Variants in SGCD observed in about 807,000 individuals in gnomAD.
SGCD encodes sarcoglycan delta.
Under a neutral mutation model 36.6 loss-of-function variants are expected in SGCD, and 18 were observed. That is an observed-to-expected ratio of 0.49 (90% confidence interval 0.34 to 0.73). The LOEUF is 0.73. Among genes scored for constraint, SGCD ranks in the 30% least tolerant of loss-of-function variants. The probability of loss-of-function intolerance (pLI) is 0.01; values close to 1 mark genes in which losing one functional copy is unlikely to be tolerated. For synonymous variants in SGCD, 133 were observed against 130.6 expected, an observed-to-expected ratio of 1.02 and a Z score of -0.12; for missense variants, 387 against 346.7, an observed-to-expected ratio of 1.12 and a Z score of -0.92.
intron 1 of SGCD, among the ~76,000 whole-genome samples, chr5:155,926,374 G>T (rs1029917452): frequency 6.6e-6 from 1 of 152,032 alleles, no homozygotes; most frequent in African/African-American, 2.4e-5. Context: ...TTCCAAATAT[G>T]GTGCTCTTGA....
intron 1 of SGCD, among the ~76,000 whole-genome samples, chr5:156,085,303 G>T (rs1055315771): frequency 6.6e-6 from 1 of 152,100 alleles, no homozygotes; most frequent in Non-Finnish European, 1.5e-5. Context: ...GTGGCCTGGT[G>T]GGAGGTGTTT....
At chr5:156,494,315 C>CTT (rs112840342) in intron 3 of SGCD, among the ~76,000 whole-genome samples, 2 of 146,782 alleles carry the variant, frequency 1.4e-5, no homozygotes, top group Non-Finnish European at 3.0e-5. Context: ...TCAAAAAACT[C>CTT]TTTTTTTTAA....
chr5:155,970,414 G>C (rs140390295), intron 1 of SGCD, among the ~76,000 whole-genome samples: 1 of 152,086 alleles, frequency 6.6e-6, no homozygotes, highest in Non-Finnish European at 1.5e-5. Flanking sequence ...ATGAATATCC[G>C]ATGTGAATTA....
intron 3 of SGCD, among the ~76,000 whole-genome samples, chr5:156,224,747 C>T (rs771235325): frequency 6.6e-6 from 1 of 152,218 alleles, no homozygotes; most frequent in East Asian, 1.9e-4. Flanking sequence ...TCCAAAATCC[C>T]GAGCAAGTCA....
intron 3 of SGCD, among the ~76,000 whole-genome samples, chr5:156,349,997 C>T (rs1337475524): frequency 6.6e-6 from 1 of 151,624 alleles, no homozygotes; most frequent in African/African-American, 2.4e-5. Flanking sequence ...AAATCTGATA[C>T]CACATGTTCT....
chr5:155,848,678 G>A, the SGCD span, among the ~76,000 whole-genome samples: 1 of 152,030 alleles, frequency 6.6e-6, no homozygotes, highest in African/African-American at 2.4e-5. Flanking sequence ...TAATATAAAA[G>A]CTATTGTTAT....
intron 3 of SGCD, among the ~76,000 whole-genome samples, chr5:156,436,558 A>T (rs901251907): frequency 6.6e-6 from 1 of 152,060 alleles, no homozygotes; most frequent in Non-Finnish European, 1.5e-5. Flanking sequence ...CATCCAATCC[A>T]CTCCTGTGAT....
At chr5:156,669,115 A>G (rs1753186995) in intron 7 of SGCD, among the ~76,000 whole-genome samples, 1 of 152,152 alleles carries the variant, frequency 6.6e-6, no homozygotes. Flanking sequence ...ACATCCTGCA[A>G]TACGGCCGAA....
intron 1 of SGCD, among the ~76,000 whole-genome samples, chr5:155,973,751 A>T (rs1345181993): frequency 6.6e-6 from 1 of 152,196 alleles, no homozygotes; most frequent in Non-Finnish European, 1.5e-5. Flanking sequence ...ATTAAATGAG[A>T]AGAGTTATTT....
intron 4 of SGCD, among the ~76,000 whole-genome samples, chr5:156,526,530 G>A (rs6897602): frequency 0.041 from 6,293 of 152,192 alleles, 424 homozygotes; most frequent in African/African-American, 0.14. Flanking sequence ...ATGAAGTATT[G>A]CCTGAGTAAA....
intron 3 of SGCD, among the ~76,000 whole-genome samples, chr5:156,381,563 C>T (rs1359124332): frequency 6.8e-6 from 1 of 146,840 alleles, no homozygotes; most frequent in African/African-American, 2.6e-5. Flanking sequence ...GGTAAATGTC[C>T]TCATGTAAAC....
chr5:156,622,087 G>A (rs948504589), intron 6 of SGCD, among the ~76,000 whole-genome samples: 4 of 152,000 alleles, frequency 2.6e-5, no homozygotes, highest in African/African-American at 9.7e-5. Flanking sequence ...ATTTACCCAG[G>A]TAGAATGTAC....
At chr5:156,277,754 C>T (rs967645514) in intron 3 of SGCD, among the ~76,000 whole-genome samples, 2 of 152,142 alleles carry the variant, frequency 1.3e-5, no homozygotes, top group African/African-American at 4.8e-5. Context: ...GGCAAACTAG[C>T]CTTTCCCGTT....
intron 1 of SGCD, among the ~76,000 whole-genome samples, chr5:155,960,129 T>C (rs1267182440): frequency 1.3e-5 from 2 of 152,060 alleles, no homozygotes; most frequent in Non-Finnish European, 2.9e-5. Context: ...CCCTCCTTTT[T>C]CTTCTCCCTC....
intron 3 of SGCD, among the ~76,000 whole-genome samples, chr5:156,231,212 T>C (rs918119356): frequency 1.3e-5 from 2 of 152,114 alleles, no homozygotes; most frequent in Non-Finnish European, 2.9e-5. Context: ...ATATGCCTTG[T>C]TGAAAGGTAG....
the SGCD span, among the ~76,000 whole-genome samples, chr5:155,853,043 C>T: frequency 6.7e-6 from 1 of 149,394 alleles, no homozygotes; most frequent in Non-Finnish European, 1.5e-5. Flanking sequence ...AATATCCAAG[C>T]TCTAAGACTG....
At position 156,346,385 on chromosome 5, in the gene SGCD, G is replaced by A. The variant is rs567632163; in HGVS notation, c.192+1708G>A. ...ACGATCATAGCTCACTGCAGCCATG[G>A]ACTCCTGGGCTCAAGCAATCCTCCC... On this transcript the variant is annotated intron_variant, in intron 3 of 8. Coordinates refer to ENST00000337851, the MANE Select transcript of SGCD (RefSeq NM_000337.6). 4.6e-5 allele frequency among the ~76,000 whole-genome samples: 7 copies of A among 152,206 alleles called. No homozygotes were observed. In the East Asian group the frequency reaches 1.4e-3, roughly 29 times the overall value.
At chr5:156,233,882 C>T (rs1156240150) in intron 3 of SGCD, among the ~76,000 whole-genome samples, 1 of 152,078 alleles carries the variant, frequency 6.6e-6, no homozygotes, top group Non-Finnish European at 1.5e-5. Context: ...GAGACCACAT[C>T]TGTTTTTTGT....
chr5:156,035,804 A>C (rs1335985889), intron 1 of SGCD, among the ~76,000 whole-genome samples: 1 of 152,204 alleles, frequency 6.6e-6, no homozygotes, highest in East Asian at 1.9e-4. Flanking sequence ...CATTCTTGGA[A>C]TAAGATCAGA....
Sources: allele counts gnomAD v4.1 joint callset (sites outside exome capture counted in the v4.1 genomes callset), GRCh38; gene constraint gnomAD v4.1.1; transcripts MANE v1.5; gene names NCBI Gene and HGNC (gene_info 2026-07-23, HGNC 2026-07-21).